Variants in GAS2L3 observed in about 807,000 individuals in gnomAD.
The protein encoded by GAS2L3 is growth arrest specific 2 like 3.
In GAS2L3, 28 loss-of-function variants were observed where a neutral mutation model predicts 37.0. That is an observed-to-expected ratio of 0.76 (90% confidence interval 0.56 to 1.04). The LOEUF is 1.04. GAS2L3 is among the 50% of genes least tolerant of loss of function. The pLI, the probability that GAS2L3 is intolerant of heterozygous loss-of-function variation, is 0.00. For synonymous variants in GAS2L3, 290 were observed against 296.6 expected (o/e 0.98, Z 0.23); for missense variants, 793 against 817.6 (o/e 0.97, Z 0.37).
chr12:100,587,525 A>T (rs1440074661), intron 1 of GAS2L3, among the ~76,000 whole-genome samples: 1 of 152,214 alleles, frequency 6.6e-6, no homozygotes, highest in Non-Finnish European at 1.5e-5. Flanking sequence ...ATTAGGCAAA[A>T]TCCAGCATCC....
rs566682501 is a variant in GAS2L3, at chr12:100,608,393, C to T, written c.304-3607C>T. On this transcript the variant is annotated intron_variant, in intron 5 of 9. Coordinates refer to ENST00000547754, the MANE Select transcript of GAS2L3 (RefSeq NM_174942.3). ...GCTGTAACCACCACTTGCCTACCAC[C>T]TAAGTTCACTCAAGGCTCTAGGGCT... Among the ~76,000 whole-genome samples the T allele has an allele frequency of 3.3e-5, 5 of 152,306 alleles. No individual in the cohort carries two copies. The South Asian group carries it at 1.0e-3, about 32-fold the overall frequency.
rs1956321836 is a variant in GAS2L3 at position 100,625,318 on chromosome 12, A to G, written c.*428A>G. ...TAGTTAATTGCATTTTGGTTAAAAAAAAAAAAGCAACAGTTTGGCACTTGT... is the reference window on the plus strand; with the variant it reads ...TAGTTAATTGCATTTTGGTTAAAAAGAAAAAAGCAACAGTTTGGCACTTGT... On this transcript the variant is annotated 3_prime_UTR_variant, in exon 10 of 10. Transcript: ENST00000547754. The G allele has an allele frequency of 6.4e-6, 1 of 155,572 alleles. No homozygotes were observed. Among genetic ancestry groups the G allele is most frequent in the African/African-American group, 2.4e-5 (1 of 41,454 alleles). The allele number at this position is 155,572 out of a possible 1,614,324, so 9.6% of individuals were successfully genotyped here.
At position 100,594,871 on chromosome 12, in the gene GAS2L3, T is replaced by TTAGAA; in HGVS notation, c.-30-4_-30-3insTAGAA. 1 of 1,246,884 alleles carries TTAGAA rather than the reference T, an allele frequency of 8.0e-7. No individual in the cohort carries two copies. The highest frequency in any genetic ancestry group is 1.1e-6 in the Non-Finnish European group (1 of 919,620). 77.2% of individuals were successfully genotyped at this position (1,246,884 alleles called of 1,614,324 possible). ...TGTATGTTAATATTTTGTTCTTTTTTCAGAAAAGAAATTTCATTTCAATAT... is the reference window on the plus strand; with the variant it reads ...TGTATGTTAATATTTTGTTCTTTTTTTAGAACAGAAAAGAAATTTCATTTCAATAT... On this transcript the variant is annotated splice_region_variant and splice_polypyrimidine_tract_variant and intron_variant, in intron 2 of 9. Transcript: ENST00000547754.
intron 6 of GAS2L3, among the ~76,000 whole-genome samples, chr12:100,615,169 T>C (rs1032576566): frequency 6.6e-6 from 1 of 152,214 alleles, no homozygotes; most frequent in African/African-American, 2.4e-5. Flanking sequence ...TCAATACTTA[T>C]TTGCCTGTTT....
chr12:100,624,153 C>T lies in GAS2L3; in HGVS notation c.1348C>T (p.Gln450Ter), dbSNP rs768749185. 2 of 1,612,718 alleles carry T rather than the reference C, an allele frequency of 1.2e-6. No homozygotes were observed. Among genetic ancestry groups the T allele is most frequent in the South Asian group, 2.2e-5 (2 of 91,018 alleles). ...CCCCAAGGCCAAGGTTATTCCAGCC[C>T]AGAATTCAGCAGATCTGCCCGAGTC... ...NTPKAKVIPA[Q>*]NSADLPESTL... is the part of the protein sequence containing the mutation. Residue 450 changes from glutamine (Q) to a stop codon, truncating the protein, a stop_gained, in exon 10 of 10, where the codon CAG (glutamine) becomes TAG (stop). Transcript: ENST00000547754. LOFTEE classifies it low-confidence loss of function (END_TRUNC).
rs969070671 is a variant in GAS2L3 at position 100,595,072 on chromosome 12, T to C, written c.18+150T>C. ...AATAACACATACTATATTTTGACTTTCTAGTTCTCAAAAACGTTCAATTCT... is the reference window on the plus strand; with the variant it reads ...AATAACACATACTATATTTTGACTTCCTAGTTCTCAAAAACGTTCAATTCT... On this transcript the variant is annotated intron_variant, in intron 3 of 9. Transcript: ENST00000547754. 6.4e-5 allele frequency: 25 copies of C among 390,878 alleles called. No homozygotes were observed. In the Admixed American group the frequency reaches 9.4e-4, roughly 15 times the overall value. The allele number at this position is 390,878 out of a possible 1,614,324, so 24.2% of individuals were successfully genotyped here.
At chr12:100,579,489 T>A in intron 1 of GAS2L3, 1 of 771,612 alleles carries the variant, frequency 1.3e-6, no homozygotes, top group South Asian at 1.4e-5. Context: ...ATACCCAAAC[T>A]CTTGTCAGAA....
chr12:100,581,499 T>C (rs1955711910), intron 1 of GAS2L3, among the ~76,000 whole-genome samples: 1 of 152,230 alleles, frequency 6.6e-6, no homozygotes, highest in South Asian at 2.1e-4. Context: ...TTATGAGATT[T>C]TAAAAAATGA....
chr12:100,600,654 A>T, intron 4 of GAS2L3, 104 bp downstream of exon 4: 1 of 907,876 alleles, frequency 1.1e-6, no homozygotes, highest in Non-Finnish European at 1.7e-6. Flanking sequence ...TGCTGGGGAT[A>T]CTCCAGTGAA....
At chr12:100,588,426 T>A (rs1279728035) in intron 1 of GAS2L3, among the ~76,000 whole-genome samples, 1 of 152,064 alleles carries the variant, frequency 6.6e-6, no homozygotes, top group Non-Finnish European at 1.5e-5. Context: ...GGTACAAAGA[T>A]CACATGCTTC....
rs895389036 is a variant in GAS2L3 at position 100,615,217 on chromosome 12, G to C, written c.446-2527G>C. Among the ~76,000 whole-genome samples the C allele has an allele frequency of 7.2e-5, 11 of 152,122 alleles. No homozygotes were observed. The East Asian group carries it at 1.9e-3, about 27-fold the overall frequency. On this transcript the variant is annotated intron_variant, in intron 6 of 9. Coordinates refer to ENST00000547754, the MANE Select transcript of GAS2L3 (RefSeq NM_174942.3). ...TAACCATCCTAGTGGGTGTGAAGTAGTATTTTGTTGTGGTTTTGATTCGCG... is the reference window on the plus strand; with the variant it reads ...TAACCATCCTAGTGGGTGTGAAGTACTATTTTGTTGTGGTTTTGATTCGCG...
At chr12:100,612,298 C>A in intron 6 of GAS2L3, 157 bp downstream of exon 6, 1 of 629,512 alleles carries the variant, frequency 1.6e-6, no homozygotes, top group South Asian at 1.9e-5. Flanking sequence ...ATTGGAGAAT[C>A]AGATACTAAA....
At chr12:100,581,800 T>A (rs1211896518) in intron 1 of GAS2L3, among the ~76,000 whole-genome samples, 1 of 152,188 alleles carries the variant, frequency 6.6e-6, no homozygotes, top group African/African-American at 2.4e-5. Context: ...ACTTAACAAG[T>A]TTTAAAGGCA....
chr12:100,618,169 T>C (rs943166794), intron 7 of GAS2L3, among the ~76,000 whole-genome samples: 3 of 152,114 alleles, frequency 2.0e-5, no homozygotes, highest in African/African-American at 4.8e-5. Context: ...CTACTTCAGT[T>C]CTATCTTTAC....
chr12:100,613,368 T>C (rs1956148868), intron 6 of GAS2L3, among the ~76,000 whole-genome samples: 1 of 152,172 alleles, frequency 6.6e-6, no homozygotes, highest in Non-Finnish European at 1.5e-5. Context: ...TCTTAATTTT[T>C]TACACTTTGC....
In GAS2L3 at chr12:100,625,963, A is replaced by T. The variant is rs147702772; in HGVS notation, c.*1073A>T. ...CCTTCAGTTTTCCAATGGCAAGTAG[A>T]CAGGATATGTTCAAGGTTTTCTGCA... On this transcript the variant is annotated 3_prime_UTR_variant, in exon 10 of 10. Coordinates refer to ENST00000547754, the MANE Select transcript of GAS2L3 (RefSeq NM_174942.3). The T allele has an allele frequency of 7.6e-4, 115 of 152,300 alleles. No homozygotes were observed. Among genetic ancestry groups the T allele is most frequent in the African/African-American group, 2.5e-3 (105 of 41,562 alleles). The allele number at this position is 152,300 out of a possible 1,614,324, so 9.4% of individuals were successfully genotyped here.
intron 2 of GAS2L3, chr12:100,593,966 G>A (rs1955878705): frequency 6.6e-6 from 1 of 152,014 alleles, no homozygotes; most frequent in Non-Finnish European, 1.5e-5. Flanking sequence ...GTTCCTGAAA[G>A]GAAAGTGGTA....
intron 3 of GAS2L3, among the ~76,000 whole-genome samples, chr12:100,596,612 C>T (rs1368429701): frequency 6.6e-6 from 1 of 152,068 alleles, no homozygotes; most frequent in African/African-American, 2.4e-5. Flanking sequence ...AAGTGCCTTG[C>T]AGAGAGGAGA....
At chr12:100,581,816 C>A (rs755280772) in intron 1 of GAS2L3, among the ~76,000 whole-genome samples, 9 of 152,030 alleles carry the variant, frequency 5.9e-5, no homozygotes, top group Non-Finnish European at 1.2e-4. Context: ...AGGCATACCA[C>A]CGTTTTTTCC....
Sources: gnomAD v4.1 joint callset for allele counts (sites outside exome capture counted in the v4.1 genomes callset) on GRCh38, gnomAD v4.1.1 for gene constraint, MANE v1.5 for transcripts, NCBI Gene and HGNC (gene_info 2026-07-23, HGNC 2026-07-21) for gene names.